The following NOP16 variants were observed in gnomAD, a reference collection of about 807,000 sequenced individuals.
NOP16 encodes the protein nucleolar protein 16.
In NOP16, 14 loss-of-function variants were observed where a neutral mutation model predicts 22.7. The observed-to-expected ratio is 0.62, with a 90% CI of 0.41 to 0.97. The LOEUF is 0.97. Among genes scored for constraint, NOP16 ranks in the 50% least tolerant of loss-of-function variants. The pLI, the probability that NOP16 is intolerant of heterozygous loss-of-function variation, is 0.00. For synonymous variants in NOP16, 80 were observed against 83.6 expected (o/e 0.96, Z 0.23); for missense variants, 198 against 235.9 (o/e 0.84, Z 1.05).
chr5:176,384,278 G>C lies in NOP16; in HGVS notation c.490C>G (p.Gln164Glu). Residue 164 changes from glutamine to glutamate, a missense_variant, in exon 5 of 5, where the codon CAA becomes GAA. Gln to Glu is a conservative substitution (Grantham distance 29). Coordinates refer to ENST00000614830, the MANE Select transcript of NOP16 (RefSeq NM_016391.8). ...TTCTGCAAAGAATCGAGGAAGTCTT[G>C]CCACTCTGCTGGGTAAAAGCGTTTA... ...VYKRFYPAEW[Q>E]DFLDSLQKRK... The C allele has an allele frequency of 2.5e-6, 4 of 1,614,194 alleles. No homozygotes were observed. The highest frequency in any genetic ancestry group is 1.7e-5 in the Admixed American group (1 of 60,032).
Position 176,383,986 on chromosome 5 carries a change from T to C in NOP16, c.*245A>G. On this transcript the variant is annotated 3_prime_UTR_variant, in exon 5 of 5. Coordinates refer to ENST00000614830, the MANE Select transcript of NOP16 (RefSeq NM_016391.8). The stretch of plus-strand genomic sequence containing the variant: ...TTATTATGTACACACTATATTTACA[T>C]CACCCACCCTGAAAACAGCAGGTTC... 6.5e-7 allele frequency: 1 copy of C among 1,533,026 alleles called. No homozygotes were observed. Among genetic ancestry groups the C allele is most frequent in the Non-Finnish European group, 8.7e-7 (1 of 1,145,902 alleles). 95.0% of individuals were successfully genotyped at this position (1,533,026 alleles called of 1,614,324 possible).
In NOP16 at chr5:176,387,772, C is replaced by A. The variant is rs984442998; in HGVS notation, c.216+463G>T. Among the ~76,000 whole-genome samples the A allele has an allele frequency of 3.3e-5, 5 of 152,148 alleles. 1 individual carries two copies. Among genetic ancestry groups the A allele is most frequent in the Non-Finnish European group, 7.3e-5 (5 of 68,034 alleles). On this transcript the variant is annotated intron_variant, in intron 2 of 4. Coordinates refer to ENST00000614830, the MANE Select transcript of NOP16 (RefSeq NM_016391.8). ...CAAAAATCAGCCGGGTATGGTGGCA[C>A]ACGCTTATAATCCCAGCTATTTGGG...
At chr5:176,385,356 G>C in intron 3 of NOP16, 29 bp from the exon 4 acceptor site, 2 of 1,313,530 alleles carry the variant, frequency 1.5e-6, no homozygotes, top group East Asian at 2.3e-5. Flanking sequence ...CGGGGAGACA[G>C]GGAATGAGGC....
intron 4 of NOP16, chr5:176,384,777 A>T (rs903018263): frequency 2.7e-6 from 1 of 364,384 alleles, no homozygotes; most frequent in Non-Finnish European, 4.9e-6. Context: ...CTCAAAAAAA[A>T]GACCAGGAAG....
intron 3 of NOP16, 44 bp from the exon 4 acceptor site, chr5:176,385,371 C>T (rs1755758881): frequency 1.7e-6 from 2 of 1,181,890 alleles, no homozygotes; most frequent in Non-Finnish European, 2.5e-6. Context: ...TGAGGCTTTG[C>T]TTTCTGTGCT....
In NOP16 at chr5:176,384,849, T is replaced by G. The variant is rs1040806076; in HGVS notation, c.393+372A>C. The G allele has an allele frequency of 1.3e-5, 6 of 476,586 alleles. No homozygotes were observed. The South Asian group carries it at 2.1e-4, about 17-fold the overall frequency. 29.5% of individuals were successfully genotyped at this position (476,586 alleles called of 1,614,324 possible). On this transcript the variant is annotated intron_variant, in intron 4 of 4. Transcript: ENST00000614830. Reference sequence around the variant, plus strand: ...CAGCTGAGGAGCTCATGACCCATCATAGCCAGCTAATCCTACTTGGGCCCA... The same window carrying G: ...CAGCTGAGGAGCTCATGACCCATCAGAGCCAGCTAATCCTACTTGGGCCCA...
At chr5:176,384,598 G>A in intron 4 of NOP16, 2 of 567,730 alleles carry the variant, frequency 3.5e-6, no homozygotes, top group Middle Eastern at 4.7e-4. Flanking sequence ...GCCACCCTGG[G>A]CAACCCAGTG....
intron 2 of NOP16, among the ~76,000 whole-genome samples, chr5:176,387,528 T>C (rs1360540928): frequency 1.3e-5 from 2 of 152,244 alleles, no homozygotes; most frequent in East Asian, 3.8e-4. Context: ...CTACCATTTC[T>C]TGAATAAATG....
In NOP16 at chr5:176,385,317, T is replaced by C. The variant is rs1278294120; in HGVS notation, c.297A>G (p.Ala99=). 6.2e-7 allele frequency: 1 copy of C among 1,600,156 alleles called. No homozygotes were observed. Among genetic ancestry groups the C allele is most frequent in the South Asian group, 1.1e-5 (1 of 90,826 alleles). Residue 99 remains alanine (A), a synonymous_variant, in exon 4 of 5, where the codon GCA becomes GCG. Transcript: ENST00000614830. The part of the protein sequence containing the change: ...RKPYVLNDLE[A]EASLPEKKGN... ...CTTTCTTTTCTGGAAGGCTGGCTTC[T>C]GCCTCCAGGTCTGGAGTGATGAGAG...
At chr5:176,384,769 C>CA (rs1008638951) in intron 4 of NOP16, 88 of 354,246 alleles carry the variant, frequency 2.5e-4, no homozygotes, top group South Asian at 6.2e-4. Flanking sequence ...GATTCTGTCT[C>CA]AAAAAAAAGA....
intron 2 of NOP16, 47 bp from the exon 3 acceptor site, chr5:176,386,956 A>C: frequency 1.3e-6 from 2 of 1,522,734 alleles, no homozygotes; most frequent in Non-Finnish European, 1.8e-6. Context: ...TTGATGAGGG[A>C]AAGTTATAGA....
In NOP16 at chr5:176,384,271, A is replaced by C; in HGVS notation, c.497T>G (p.Phe166Cys). 1 of 1,614,226 alleles carries C rather than the reference A, an allele frequency of 6.2e-7. No individual in the cohort carries two copies. Among genetic ancestry groups the C allele is most frequent in the Non-Finnish European group, 8.5e-7 (1 of 1,180,048 alleles). ...CTTCCTCTTCTGCAAAGAATCGAGG[A>C]AGTCTTGCCACTCTGCTGGGTAAAA... ...KRFYPAEWQDFLDSLQKRKME... is the reference protein window; with the variant it reads ...KRFYPAEWQDCLDSLQKRKME... The change falls in exon 5 of 5, where the codon TTC becomes TGC. Residue 166 changes from phenylalanine (F) to cysteine (C), a missense_variant. By Grantham distance (205) the Phe-to-Cys change is radical. Transcript: ENST00000614830.
chr5:176,387,104 G>C (rs1277247752), intron 2 of NOP16, among the ~76,000 whole-genome samples, 195 bp from the exon 3 acceptor site: 2 of 150,956 alleles, frequency 1.3e-5, no homozygotes, highest in Non-Finnish European at 2.9e-5. Context: ...TTCTTTTTGA[G>C]ACAGAGTCTC....
chr5:176,386,035 G>A (rs2113586355), intron 3 of NOP16: 1 of 152,734 alleles, frequency 6.5e-6, no homozygotes, highest in South Asian at 2.1e-4. Flanking sequence ...GGTAGAGGAA[G>A]ATGGGGAGTT....
At chr5:176,384,780 C>T (rs776287790) in intron 4 of NOP16, 11 of 368,048 alleles carry the variant, frequency 3.0e-5, no homozygotes, top group Non-Finnish European at 2.4e-5. Flanking sequence ...AAAAAAAAGA[C>T]CAGGAAGGCC....
chr5:176,385,174 G>A (rs1399510694), intron 4 of NOP16, 47 bp downstream of exon 4: 2 of 1,051,754 alleles, frequency 1.9e-6, no homozygotes, highest in Non-Finnish European at 3.0e-6. Context: ...AGCCGCGAAT[G>A]GTCCAGGGCG....
In NOP16 at chr5:176,388,535, G is replaced by A. The variant is rs768676655; in HGVS notation, c.5C>T (p.Pro2Leu). ...CCTCCGGGTTTTGCCCTTGGCCTTG[G>A]GCATCGCGCTGACCACCGCACCAGC... Reference protein sequence around the residue: MPKAKGKTRRQK... With the variant: MLKAKGKTRRQK... Residue 2 changes from proline (P) to leucine (L), a missense_variant, in exon 1 of 5, where the codon CCC becomes CTC. Pro to Leu is a moderately conservative substitution (Grantham distance 98). Transcript: ENST00000614830. The A allele has an allele frequency of 6.2e-7, 1 of 1,610,018 alleles. No homozygotes were observed. The highest frequency in any genetic ancestry group is 1.1e-5 in the South Asian group (1 of 90,996).
At chr5:176,388,389 T>C (rs1455516581) in intron 1 of NOP16, 44 bp downstream of exon 1, 1 of 1,612,740 alleles carries the variant, frequency 6.2e-7, no homozygotes, top group East Asian at 2.2e-5. Context: ...TCGCGGACCG[T>C]CCCGGCCGAG....
Position 176,384,346 on chromosome 5 carries a change from T to C in NOP16, c.422A>G (p.Tyr141Cys), listed in dbSNP as rs1443198030. Residue 141 changes from tyrosine (Y) to cysteine (C), a missense_variant, in exon 5 of 5, where the codon TAT becomes TGT. Coordinates refer to ENST00000614830, the MANE Select transcript of NOP16 (RefSeq NM_016391.8). Reference sequence around the variant, plus strand: ...CCGAATCTGTTTTGGGGTATCTTGATAGTAATTCTTCTCATCACGGGCCAT... The same window carrying C: ...CCGAATCTGTTTTGGGGTATCTTGACAGTAATTCTTCTCATCACGGGCCAT... ...KAMARDEKNYYQDTPKQIRSK... is the reference protein window; with the variant it reads ...KAMARDEKNYCQDTPKQIRSK... The C allele has an allele frequency of 1.9e-6, 3 of 1,614,132 alleles. No homozygotes were observed. The highest frequency in any genetic ancestry group is 3.3e-5 in the Admixed American group (2 of 60,018).
Sources: allele counts gnomAD v4.1 joint callset (sites outside exome capture counted in the v4.1 genomes callset), GRCh38; gene constraint gnomAD v4.1.1; transcripts MANE v1.5; gene names NCBI Gene and HGNC (gene_info 2026-07-23, HGNC 2026-07-21).